The following AMPD3 variants were observed in gnomAD, a reference collection of about 807,000 sequenced individuals.
AMPD3 encodes AMP deaminase 3.
In AMPD3, 57 loss-of-function variants were observed where a neutral mutation model predicts 82.3. The observed-to-expected ratio is 0.69, with a 90% CI of 0.56 to 0.86. The LOEUF (loss-of-function observed/expected upper bound fraction) is 0.86, where lower values mean the gene tolerates loss of function less well. Among genes scored for constraint, AMPD3 ranks in the 40% least tolerant of loss-of-function variants. The probability of loss-of-function intolerance (pLI) is 0.00; values close to 1 mark genes in which losing one functional copy is unlikely to be tolerated. For synonymous variants in AMPD3, 381 were observed against 394.7 expected (o/e 0.97, Z 0.41); for missense variants, 870 against 1,003.8 (o/e 0.87, Z 1.80).
At chr11:10,493,235 G>T in intron 6 of AMPD3, 114 bp from the exon 7 acceptor site, 1 of 1,235,774 alleles carries the variant, frequency 8.1e-7, no homozygotes, top group Non-Finnish European at 1.2e-6. Context: ...TGGTGGGGCT[G>T]CCCGGATGGC....
At chr11:10,451,053 C>G (rs759385085), upstream of AMPD3, 28 of 1,574,044 alleles carry the variant, frequency 1.8e-5, 1 homozygote, top group Non-Finnish European at 2.4e-5. Context: ...GGTGAGTGCG[C>G]GCGAGGCTGC....
Position 10,501,604 on chromosome 11 carries a change from T to C in AMPD3, c.1842+14T>C, listed in dbSNP as rs1488023292. ...CTCCTCAAGAAGGTAACCAGGTCAC[T>C]CTCGGGAGCCCGTCCTGAGTGACTG... On this transcript the variant is annotated intron_variant, in intron 12 of 14. Coordinates refer to ENST00000396553, the MANE Select transcript of AMPD3 (RefSeq NM_001025389.2). 2 of 1,614,018 alleles carry C rather than the reference T, an allele frequency of 1.2e-6. No individual in the cohort carries two copies. The highest frequency in any genetic ancestry group is 1.7e-5 in the Admixed American group (1 of 60,004).
At chr11:10,492,662 G>T (rs762420703) in intron 6 of AMPD3, among the ~76,000 whole-genome samples, 42 of 152,226 alleles carry the variant, frequency 2.8e-4, no homozygotes, top group Non-Finnish European at 5.7e-4. Context: ...ATCAAACATG[G>T]CCCTTGTCCT....
intron 11 of AMPD3, 125 bp downstream of exon 11, chr11:10,500,374 C>G: frequency 7.6e-7 from 1 of 1,308,530 alleles, no homozygotes; most frequent in Non-Finnish European, 1.1e-6. Flanking sequence ...ACATGCATGT[C>G]CATGTGCCCA....
At position 10,500,261 on chromosome 11, in the gene AMPD3, C is replaced by T; in HGVS notation, c.1721+12C>T. The T allele has an allele frequency of 1.2e-6, 2 of 1,614,128 alleles. No individual in the cohort carries two copies. The highest frequency in any genetic ancestry group is 1.7e-6 in the Non-Finnish European group (2 of 1,179,952). ...AACAACCTCCGCAGGTGCGTGAGGC[C>T]TGCCCTCGCACATGCTTGGGTTCAT... On this transcript the variant is annotated intron_variant, in intron 11 of 14. Transcript: ENST00000396553.
At chr11:10,502,367 A>C in intron 12 of AMPD3, 1 of 985,442 alleles carries the variant, frequency 1.0e-6, no homozygotes, top group Non-Finnish European at 1.2e-6. Context: ...AGAGGGGGGC[A>C]TCTTCTAGAC....
chr11:10,495,617 A>G lies in AMPD3; in HGVS notation c.1314A>G (p.Pro438=), dbSNP rs752020592. 5 of 1,613,738 alleles carry G rather than the reference A, an allele frequency of 3.1e-6. No homozygotes were observed. The highest frequency in any genetic ancestry group is 2.5e-6 in the Non-Finnish European group (3 of 1,180,020). Residue 438 remains proline, a synonymous_variant, in exon 9 of 15, where the codon CCA becomes CCG. Coordinates refer to ENST00000396553, the MANE Select transcript of AMPD3 (RefSeq NM_001025389.2). ...LEESKYQYSE[P]RLSIYGRSPE... is the part of the protein sequence containing the mutation. Reference sequence around the variant, plus strand: ...AGAGCAAGTACCAGTACTCAGAGCCACGGCTCTCCATCTACGGCCGCAGTC... The same window carrying G: ...AGAGCAAGTACCAGTACTCAGAGCCGCGGCTCTCCATCTACGGCCGCAGTC...
chr11:10,484,433 C>T, intron 4 of AMPD3: 2 of 985,332 alleles, frequency 2.0e-6, no homozygotes, highest in Non-Finnish European at 2.4e-6. Flanking sequence ...GACACCGCTG[C>T]TCTTTTTAAT....
chr11:10,485,164 G>A (rs957943686), intron 5 of AMPD3, 125 bp downstream of exon 5: 12 of 876,456 alleles, frequency 1.4e-5, no homozygotes, highest in African/African-American at 8.4e-5. Context: ...AAAGAGCGCG[G>A]TTTCTCCTTT....
At chr11:10,463,519 G>T (rs1438323595) in intron 2 of AMPD3, among the ~76,000 whole-genome samples, 1 of 152,242 alleles carries the variant, frequency 6.6e-6, no homozygotes, top group Non-Finnish European at 1.5e-5. Flanking sequence ...TCAAGTGAAT[G>T]GTCTGCAGGG....
At chr11:10,473,021 G>A (rs111500071) in intron 2 of AMPD3, among the ~76,000 whole-genome samples, 46 of 152,142 alleles carry the variant, frequency 3.0e-4, no homozygotes, top group African/African-American at 1.1e-3. Flanking sequence ...AAAAAGTTAG[G>A]GAGATTGGGA....
At chr11:10,497,512 T>G (rs1591482278) in intron 10 of AMPD3, 1 of 924,776 alleles carries the variant, frequency 1.1e-6, no homozygotes. Flanking sequence ...ATCGAGGGGG[T>G]ATCAGATGGT....
Position 10,458,530 on chromosome 11 carries a change from G to A in AMPD3, c.-5-2985G>A, listed in dbSNP as rs1280966720. Among the ~76,000 whole-genome samples the A allele has an allele frequency of 8.5e-5, 13 of 152,194 alleles. No individual in the cohort carries two copies. In the East Asian group the frequency reaches 1.9e-3, roughly 23 times the overall value. ...TGCCACCTGGTCATTTTGACTGCGT[G>A]AATCTCTTGCAGGTCTTGCCCATAA... On this transcript the variant is annotated intron_variant, in intron 1 of 14. Transcript: ENST00000396553.
intron 2 of AMPD3, chr11:10,477,809 C>T: frequency 6.6e-6 from 6 of 912,130 alleles, no homozygotes; most frequent in Non-Finnish European, 7.9e-6. Flanking sequence ...TTGTGCCAGC[C>T]CTTTCCCATC....
At chr11:10,504,172 T>C in intron 13 of AMPD3, 1 of 970,102 alleles carries the variant, frequency 1.0e-6, no homozygotes, top group Non-Finnish European at 1.2e-6. Context: ...CATCTATCTA[T>C]CTATTGCAAA....
chr11:10,494,871 C>G (rs199940738), intron 7 of AMPD3, 28 bp from the exon 8 acceptor site: 4 of 1,605,322 alleles, frequency 2.5e-6, no homozygotes, highest in East Asian at 4.5e-5. Context: ...CAGAACGATG[C>G]GTTGATTGGT....
intron 4 of AMPD3, among the ~76,000 whole-genome samples, chr11:10,483,100 T>C (rs1454110654): frequency 2.0e-5 from 3 of 152,200 alleles, no homozygotes; most frequent in African/African-American, 7.2e-5. Context: ...AACAGGAGAA[T>C]GCATGTGAAG....
chr11:10,487,564 G>A (rs1006274649), intron 6 of AMPD3, among the ~76,000 whole-genome samples, 200 bp downstream of exon 6: 4 of 152,222 alleles, frequency 2.6e-5, no homozygotes, highest in Non-Finnish European at 5.9e-5. Flanking sequence ...CTGGGCCTCA[G>A]ACAGCACTTG....
In AMPD3 at chr11:10,487,379, AG is replaced by A; in HGVS notation, c.939+16del. On this transcript the variant is annotated intron_variant, in intron 6 of 14. Coordinates refer to ENST00000396553, the MANE Select transcript of AMPD3 (RefSeq NM_001025389.2). ...ACGTGAGAAAGGTGCGTTAGGGGCG[AG>A]TGTTCACAGCTGCCTCACCCGGTCC... The A allele has an allele frequency of 1.9e-6, 3 of 1,613,706 alleles. No homozygotes were observed. Among genetic ancestry groups the A allele is most frequent in the Admixed American group, 3.3e-5 (2 of 59,996 alleles).
Sources: gnomAD v4.1 joint callset for allele counts (sites outside exome capture counted in the v4.1 genomes callset) on GRCh38, gnomAD v4.1.1 for gene constraint, MANE v1.5 for transcripts, NCBI Gene and HGNC (gene_info 2026-07-23, HGNC 2026-07-21) for gene names.